Variants in TBC1D14 observed in about 807,000 individuals in gnomAD.
The protein encoded by TBC1D14 is TBC1 domain family, member 14.
Under a neutral mutation model 79.0 loss-of-function variants are expected in TBC1D14, and 26 were observed. That is an observed-to-expected ratio of 0.33 (90% CI 0.24 to 0.46). The LOEUF (loss-of-function observed/expected upper bound fraction) is 0.46, where lower values mean the gene tolerates loss of function less well. Among genes scored for constraint, TBC1D14 ranks in the 20% least tolerant of loss-of-function variants. The pLI is 1.00. For synonymous variants in TBC1D14, 394 were observed against 349.9 expected (o/e 1.13, Z -1.40); for missense variants, 769 against 887.6 (o/e 0.87, Z 1.70).
intron 1 of TBC1D14, among the ~76,000 whole-genome samples, chr4:6,915,537 C>T (rs13115245): frequency 0.087 from 13,255 of 152,164 alleles, 744 homozygotes; most frequent in Middle Eastern, 0.16. Context: ...AGCCCAGCTC[C>T]GCCACAGTGG....
chr4:6,967,828 A>G (rs1011069401), intron 3 of TBC1D14, among the ~76,000 whole-genome samples: 5 of 152,192 alleles, frequency 3.3e-5, no homozygotes, highest in Admixed American at 3.3e-4. Flanking sequence ...ACTCTGGGAC[A>G]GGAAGGCGAG....
Position 7,032,127 on chromosome 4 carries a change from C to T in TBC1D14, c.*1735C>T, listed in dbSNP as rs932494734. On this transcript the variant is annotated 3_prime_UTR_variant, in exon 14 of 14. Transcript: ENST00000409757. ...GCCTCGGCCTTTAAATGCTGACTCA[C>T]CTCCTCTCGGAGGAGGCGTCCTGTC... 1 of 152,584 alleles carries T rather than the reference C, an allele frequency of 6.6e-6. No individual in the cohort carries two copies. The highest frequency in any genetic ancestry group is 1.9e-4 in the East Asian group (1 of 5,176). The allele number at this position is 152,584 out of a possible 1,614,324, so 9.5% of individuals were successfully genotyped here.
chr4:6,927,811 T>C (rs1012001982), intron 2 of TBC1D14, among the ~76,000 whole-genome samples: 1 of 152,174 alleles, frequency 6.6e-6, no homozygotes, highest in Non-Finnish European at 1.5e-5. Flanking sequence ...CACCCAGCCT[T>C]TGAGAATAAG....
At chr4:7,019,832 G>T (rs6828974) in intron 12 of TBC1D14, among the ~76,000 whole-genome samples, 1,258 of 44,522 alleles carry the variant, frequency 0.028, 423 homozygotes, top group African/African-American at 0.073. Flanking sequence ...AGGACCCTGG[G>T]GCACAGAGGT....
intron 3 of TBC1D14, among the ~76,000 whole-genome samples, chr4:6,970,700 G>GT (rs1716145521): frequency 6.6e-6 from 1 of 151,776 alleles, no homozygotes; most frequent in South Asian, 2.1e-4. Context: ...CTTTGGACCT[G>GT]CCTCAAGGAG....
At chr4:6,921,230 G>T (rs1723829658) in intron 1 of TBC1D14, among the ~76,000 whole-genome samples, 2 of 151,942 alleles carry the variant, frequency 1.3e-5, no homozygotes, top group East Asian at 3.9e-4. Flanking sequence ...TTTGAGACAG[G>T]GTCTCTTTCT....
intron 3 of TBC1D14, chr4:6,987,031 G>C: frequency 2.9e-6 from 1 of 350,508 alleles, no homozygotes. Context: ...GTCGGCGCGC[G>C]TCCCCGGTGT....
At chr4:7,020,463 G>T (rs1429247089) in intron 12 of TBC1D14, among the ~76,000 whole-genome samples, 1 of 152,188 alleles carries the variant, frequency 6.6e-6, no homozygotes, top group Non-Finnish European at 1.5e-5. Flanking sequence ...CCTGTGGTTG[G>T]GGGAGGGGCG....
chr4:6,995,992 A>T (rs2109167166), intron 4 of TBC1D14, among the ~76,000 whole-genome samples: 1 of 151,426 alleles, frequency 6.6e-6, no homozygotes. Context: ...GCCCGCCACC[A>T]TGCCCGGCTA....
At chr4:6,927,584 A>C (rs1177403245) in intron 2 of TBC1D14, among the ~76,000 whole-genome samples, 2 of 152,208 alleles carry the variant, frequency 1.3e-5, no homozygotes, top group Non-Finnish European at 2.9e-5. Context: ...TGCTTGCTTC[A>C]GTCAAGCTCT....
At chr4:6,962,982 G>C (rs968118668) in intron 2 of TBC1D14, among the ~76,000 whole-genome samples, 1 of 152,200 alleles carries the variant, frequency 6.6e-6, no homozygotes, top group African/African-American at 2.4e-5. Flanking sequence ...GGGATGCAGA[G>C]GTGACTCTAC....
chr4:7,015,804 T>C (rs1171152659), intron 12 of TBC1D14, among the ~76,000 whole-genome samples: 2 of 152,264 alleles, frequency 1.3e-5, no homozygotes, highest in South Asian at 2.1e-4. Context: ...CAGTTCCTTA[T>C]CTGGAGGCCA....
intron 3 of TBC1D14, among the ~76,000 whole-genome samples, chr4:6,968,110 G>T (rs765902672): frequency 6.6e-6 from 1 of 152,164 alleles, no homozygotes; most frequent in Non-Finnish European, 1.5e-5. Context: ...TCTGCTGTCT[G>T]CCCCAAGTGT....
intron 2 of TBC1D14, among the ~76,000 whole-genome samples, chr4:6,945,399 ATAAT>A (rs1238026403): frequency 2.0e-5 from 3 of 152,158 alleles, no homozygotes; most frequent in Non-Finnish European, 4.4e-5. Context: ...AAAATCTGAA[ATAAT>A]TCACTGTCCA....
intron 3 of TBC1D14, 63 bp downstream of exon 3, chr4:6,967,487 C>T (rs1025997232): frequency 3.8e-6 from 6 of 1,562,794 alleles, no homozygotes; most frequent in Non-Finnish European, 5.2e-6. Flanking sequence ...ATTCATGAAC[C>T]TTGCAAAAAT....
chr4:7,016,490 T>C (rs2109279205), intron 12 of TBC1D14, among the ~76,000 whole-genome samples: 1 of 152,358 alleles, frequency 6.6e-6, no homozygotes, highest in East Asian at 1.9e-4. Flanking sequence ...AGGCAGGACC[T>C]GAGCCTTTAG....
intron 3 of TBC1D14, among the ~76,000 whole-genome samples, chr4:6,982,421 C>G (rs994164924): frequency 1.3e-5 from 2 of 152,162 alleles, no homozygotes; most frequent in African/African-American, 4.8e-5. Context: ...AGAACAGATT[C>G]ACAGTGCCAG....
intron 3 of TBC1D14, among the ~76,000 whole-genome samples, chr4:6,977,533 C>T (rs1389040949): frequency 3.3e-5 from 5 of 149,876 alleles, no homozygotes; most frequent in Non-Finnish European, 5.9e-5. Flanking sequence ...AGCCTCTGCC[C>T]GGCCGCCACC....
At chr4:6,962,736 T>C (rs915336704) in intron 2 of TBC1D14, among the ~76,000 whole-genome samples, 2 of 152,034 alleles carry the variant, frequency 1.3e-5, no homozygotes, top group African/African-American at 4.8e-5. Context: ...CCACTGCCCA[T>C]TACCCCTTCT....
Sources: allele counts gnomAD v4.1 joint callset (sites outside exome capture counted in the v4.1 genomes callset), GRCh38; gene constraint gnomAD v4.1.1; transcripts MANE v1.5; gene names NCBI Gene and HGNC (gene_info 2026-07-23, HGNC 2026-07-21).